MAGI2: variants seen among roughly 807,000 people sequenced by gnomAD.
MAGI2 encodes the protein membrane-associated guanylate kinase, WW and PDZ domain-containing protein 2.
Under a neutral mutation model 133.3 loss-of-function variants are expected in MAGI2, and 35 were observed. The observed-to-expected ratio is 0.26, with a 90% CI of 0.20 to 0.35. MAGI2 has a LOEUF of 0.35. Ranked by LOEUF, MAGI2 falls within the 10% of genes least tolerant of loss-of-function variation. MAGI2 has a pLI of 1.00. For missense variants in MAGI2, 1,636 were observed against 1,863.4 expected (o/e 0.88, Z 2.25); for synonymous variants, 729 against 710.6 (o/e 1.03, Z -0.41).
At chr7:78,933,325 C>G (rs915717683) in intron 2 of MAGI2, among the ~76,000 whole-genome samples, 5 of 152,066 alleles carry the variant, frequency 3.3e-5, no homozygotes, top group Non-Finnish European at 1.5e-5. Context: ...AATATAAAAA[C>G]AGTTTCTTTA....
At chr7:78,216,976 G>T (rs558552823) in intron 10 of MAGI2, among the ~76,000 whole-genome samples, 2 of 152,228 alleles carry the variant, frequency 1.3e-5, no homozygotes, top group South Asian at 2.1e-4. Flanking sequence ...CCATTCCTTG[G>T]CTTTTCAGAT....
chr7:79,118,280 C>T (rs1819580863), intron 1 of MAGI2, among the ~76,000 whole-genome samples: 1 of 152,136 alleles, frequency 6.6e-6, no homozygotes, highest in Non-Finnish European at 1.5e-5. Context: ...TTTATGGTCA[C>T]CTAGTCATCT....
At chr7:78,646,619 T>C (rs1028441360) in intron 2 of MAGI2, among the ~76,000 whole-genome samples, 4 of 152,222 alleles carry the variant, frequency 2.6e-5, no homozygotes, top group African/African-American at 9.6e-5. Flanking sequence ...ATACAATCAC[T>C]ATGCTATCTA....
chr7:78,270,487 A>T (rs1794457858), intron 9 of MAGI2, among the ~76,000 whole-genome samples: 1 of 152,064 alleles, frequency 6.6e-6, no homozygotes, highest in Non-Finnish European at 1.5e-5. Context: ...CATCCCTTGT[A>T]AGTTGTATTC....
chr7:79,173,182 CT>C (rs1274012877), intron 1 of MAGI2, among the ~76,000 whole-genome samples: 1 of 151,824 alleles, frequency 6.6e-6, no homozygotes, highest in Non-Finnish European at 1.5e-5. Context: ...AAGGTATAAT[CT>C]AATCAGAAAT....
At chr7:78,488,742 T>C (rs1482247077) in intron 6 of MAGI2, among the ~76,000 whole-genome samples, 1 of 152,092 alleles carries the variant, frequency 6.6e-6, no homozygotes, top group African/African-American at 2.4e-5. Context: ...TTACAATCTC[T>C]AATTTTTAAT....
intron 1 of MAGI2, among the ~76,000 whole-genome samples, chr7:79,078,348 A>C (rs1267526249): frequency 2.0e-5 from 3 of 152,138 alleles, no homozygotes; most frequent in Non-Finnish European, 4.4e-5. Flanking sequence ...GTGAGTTAGG[A>C]AGAAAAAATG....
At chr7:78,227,927 C>T (rs1168217061) in intron 10 of MAGI2, among the ~76,000 whole-genome samples, 2 of 150,536 alleles carry the variant, frequency 1.3e-5, no homozygotes, top group Non-Finnish European at 3.0e-5. Context: ...AATGCCTAGA[C>T]AACAGACTGG....
At chr7:79,446,707 T>C (rs977856617) in intron 1 of MAGI2, among the ~76,000 whole-genome samples, 13 of 152,144 alleles carry the variant, frequency 8.5e-5, no homozygotes, top group Non-Finnish European at 1.9e-4. Flanking sequence ...TCCCAGCCCT[T>C]TGGGAGACCG....
intron 10 of MAGI2, among the ~76,000 whole-genome samples, chr7:78,226,920 C>T (rs1027807952): frequency 2.0e-5 from 3 of 152,042 alleles, no homozygotes; most frequent in Non-Finnish European, 2.9e-5. Context: ...GATGTGAATG[C>T]CAATAATTGC....
chr7:78,557,080 C>CAAA (rs796371005), intron 3 of MAGI2, among the ~76,000 whole-genome samples: 10 of 40,888 alleles, frequency 2.4e-4, no homozygotes, highest in South Asian at 9.1e-4. Flanking sequence ...GGCAGAGTCT[C>CAAA]AAAAAAAAAA....
At chr7:78,218,645 G>C (rs1788501511) in intron 10 of MAGI2, among the ~76,000 whole-genome samples, 1 of 152,180 alleles carries the variant, frequency 6.6e-6, no homozygotes. Context: ...TTTCTAAAGA[G>C]AAACAGGGTT....
At chr7:79,179,566 T>C (rs1352824828) in intron 1 of MAGI2, among the ~76,000 whole-genome samples, 2 of 151,938 alleles carry the variant, frequency 1.3e-5, no homozygotes, top group Non-Finnish European at 2.9e-5. Flanking sequence ...GGTATTTCTA[T>C]AAAAATAGAT....
chr7:78,865,628 G>A (rs1222722547), intron 2 of MAGI2, among the ~76,000 whole-genome samples: 1 of 152,136 alleles, frequency 6.6e-6, no homozygotes, highest in Non-Finnish European at 1.5e-5. Context: ...TAATTGACTG[G>A]GATATAGCAA....
intron 1 of MAGI2, among the ~76,000 whole-genome samples, chr7:79,008,172 T>G (rs1376208288): frequency 1.3e-5 from 2 of 152,090 alleles, no homozygotes; most frequent in African/African-American, 4.8e-5. Flanking sequence ...CTAGGGAAAT[T>G]GAGCCAAGAC....
chr7:78,466,364 C>A (rs1047297043), intron 6 of MAGI2, among the ~76,000 whole-genome samples: 2 of 152,168 alleles, frequency 1.3e-5, no homozygotes, highest in Non-Finnish European at 2.9e-5. Context: ...CACTTGGGCA[C>A]AGGTGTGAAC....
rs538988348 is a variant in MAGI2, at chr7:78,481,385, G to A, written c.1045+8376C>T. Among the ~76,000 whole-genome samples, 4 of 152,046 alleles carry A rather than the reference G, an allele frequency of 2.6e-5. No homozygotes were observed. The South Asian group carries it at 6.2e-4, about 24-fold the overall frequency. ...GATCTGTGAGAATTAACTATCATGA[G>A]AACAGCATGGGGCAAACTGCCCCAT... On this transcript the variant is annotated intron_variant, in intron 6 of 21. Transcript: ENST00000354212.
At chr7:78,790,821 G>C (rs763713747) in intron 2 of MAGI2, among the ~76,000 whole-genome samples, 3 of 152,092 alleles carry the variant, frequency 2.0e-5, no homozygotes, top group Non-Finnish European at 4.4e-5. Flanking sequence ...TACTATGCCA[G>C]GTACTATGTA....
intron 3 of MAGI2, among the ~76,000 whole-genome samples, chr7:78,609,494 T>C (rs1183400579): frequency 6.6e-6 from 1 of 152,026 alleles, no homozygotes; most frequent in Admixed American, 6.6e-5. Flanking sequence ...GAAAAGAAAA[T>C]AAAATGAAGG....
Sources: allele counts gnomAD v4.1 joint callset (sites outside exome capture counted in the v4.1 genomes callset), GRCh38; gene constraint gnomAD v4.1.1; transcripts MANE v1.5; gene names NCBI Gene and HGNC (gene_info 2026-07-23, HGNC 2026-07-21).